The following MTAP variants were observed in gnomAD, a reference collection of about 807,000 sequenced individuals.
MTAP encodes the protein methylthioadenosine phosphorylase, also known as S-methyl-5'-thioadenosine phosphorylase.
In MTAP, 33 loss-of-function variants were observed where a neutral mutation model predicts 33.6. The observed-to-expected ratio is 0.98, with a 90% CI of 0.74 to 1.31. The LOEUF is 1.31. Ranked by LOEUF, MTAP falls within the 40% of genes most tolerant of loss-of-function variation. The pLI is 0.00. For synonymous variants in MTAP, 148 were observed against 125.7 expected (o/e 1.18, Z -1.19); for missense variants, 367 against 360.0 (o/e 1.02, Z -0.16).
chr9:21,859,097 T>C (rs939124608), intron 6 of MTAP: 6 of 519,812 alleles, frequency 1.2e-5, no homozygotes, highest in East Asian at 3.7e-5. Flanking sequence ...TCACTAATCC[T>C]ATCCACGAGG....
chr9:21,932,111 G>A (rs1307569234), downstream of MTAP: 4 of 152,082 alleles, frequency 2.6e-5, no homozygotes, highest in African/African-American at 4.8e-5. Context: ...AACTCCAACT[G>A]CTTCTTCCCT....
intron 1 of MTAP, among the ~76,000 whole-genome samples, chr9:21,920,597 G>C (rs1227931502): frequency 6.6e-6 from 1 of 152,074 alleles, no homozygotes; most frequent in African/African-American, 2.4e-5. Flanking sequence ...CACTCGAAAG[G>C]GGCTATTGGG....
chr9:21,847,145 C>G (rs1480128931), intron 5 of MTAP, among the ~76,000 whole-genome samples: 1 of 152,212 alleles, frequency 6.6e-6, no homozygotes, highest in Admixed American at 6.5e-5. Context: ...TGGATACTTC[C>G]TGCCCTCAAA....
At chr9:21,876,388 C>T (rs1012874890) in intron 1 of MTAP, among the ~76,000 whole-genome samples, 3 of 152,072 alleles carry the variant, frequency 2.0e-5, no homozygotes, top group African/African-American at 7.2e-5. Flanking sequence ...TCACCCTTGT[C>T]AATTTTTGCT....
At chr9:21,858,315 T>C (rs551598376) in intron 6 of MTAP, among the ~76,000 whole-genome samples, 1 of 152,186 alleles carries the variant, frequency 6.6e-6, no homozygotes, top group Non-Finnish European at 1.5e-5. Context: ...CATATTGAAA[T>C]CTGTATTAGT....
intron 1 of MTAP, chr9:21,930,736 G>A: frequency 1.5e-6 from 1 of 678,846 alleles, no homozygotes; most frequent in Non-Finnish European, 2.6e-6. Context: ...GCAGCACAGG[G>A]AGGAATTTGT....
In MTAP at chr9:21,930,607, C is replaced by G. The variant is rs535337406; in HGVS notation, c.148-401C>G. The stretch of plus-strand genomic sequence containing the variant: ...AAGCCTCCTTGACCTATAGCCAACT[C>G]TGAAAGGAAATAGCCAGCAAGTTTA... On this transcript the variant is annotated intron_variant, in intron 1 of 1. Transcript: ENST00000577563. 12 of 374,856 alleles carry G rather than the reference C, an allele frequency of 3.2e-5. No homozygotes were observed. In the South Asian group the frequency reaches 5.5e-4, roughly 17 times the overall value. 23.2% of individuals were successfully genotyped at this position (374,856 alleles called of 1,614,324 possible). A position where few individuals can be genotyped will look rare whatever the true frequency, so the allele number is the denominator to read the frequency against.
At chr9:21,932,493 G>C (rs1327810845), downstream of MTAP, 1 of 152,166 alleles carries the variant, frequency 6.6e-6, no homozygotes, top group Non-Finnish European at 1.5e-5. Flanking sequence ...GGCCTTTTGA[G>C]ATGTCTTTTC....
intron 1 of MTAP, among the ~76,000 whole-genome samples, chr9:21,814,234 A>G (rs1463316120): frequency 6.6e-6 from 1 of 152,024 alleles, no homozygotes; most frequent in Non-Finnish European, 1.5e-5. Flanking sequence ...TTTTTTCAGG[A>G]AACTGAGCCA....
downstream of MTAP, among the ~76,000 whole-genome samples, chr9:21,939,793 G>T (rs911004051): frequency 6.6e-6 from 1 of 152,128 alleles, no homozygotes; most frequent in African/African-American, 2.4e-5. Flanking sequence ...TGAGGCACAA[G>T]AATTGCTTGA....
intron 1 of MTAP, among the ~76,000 whole-genome samples, chr9:21,885,709 TC>T (rs988005530): frequency 4.2e-4 from 64 of 151,936 alleles, no homozygotes; most frequent in African/African-American, 1.5e-3. Context: ...ATAATAATGG[TC>T]CCCAAATCCA....
At chr9:21,869,524 G>A (rs374074579), downstream of MTAP, among the ~76,000 whole-genome samples, 23 of 152,162 alleles carry the variant, frequency 1.5e-4, 1 homozygote, top group South Asian at 4.8e-3. Context: ...CTGCCCTAGA[G>A]CTCAATCCTT....
intron 1 of MTAP, 144 bp downstream of exon 1, chr9:21,802,925 G>C (rs375027155): frequency 7.0e-7 from 1 of 1,433,140 alleles, no homozygotes; most frequent in Non-Finnish European, 9.0e-7. Flanking sequence ...GCGGCACTCG[G>C]GACTCACTTG....
In MTAP at chr9:21,864,514, TG is replaced by T. The variant is rs1400368977; in HGVS notation, c.*2502del. 1 of 985,338 alleles carries T rather than the reference TG, an allele frequency of 1.0e-6. No homozygotes were observed. 61.0% of individuals were successfully genotyped at this position (985,338 alleles called of 1,614,324 possible). A position where few individuals can be genotyped will look rare whatever the true frequency, so the allele number is the denominator to read the frequency against. On this transcript the variant is annotated 3_prime_UTR_variant, in exon 8 of 8. Coordinates refer to ENST00000644715, the MANE Select transcript of MTAP (RefSeq NM_002451.4). Reference sequence around the variant, plus strand: ...TTTGCATGTACATAGAAGTCTTTGTTGGCCTTATAATCTGCTGTTATATTTG... The same window carrying T: ...TTTGCATGTACATAGAAGTCTTTGTTGCCTTATAATCTGCTGTTATATTTG...
At chr9:21,910,427 T>A (rs145313758) in intron 1 of MTAP, among the ~76,000 whole-genome samples, 94 of 152,148 alleles carry the variant, frequency 6.2e-4, no homozygotes, top group African/African-American at 2.0e-3. Context: ...TTAAATGGGG[T>A]GGTCACTATT....
downstream of MTAP, among the ~76,000 whole-genome samples, chr9:21,869,001 T>C (rs905934258): frequency 2.6e-5 from 4 of 152,216 alleles, no homozygotes; most frequent in African/African-American, 4.8e-5. Context: ...CATTGTCTTA[T>C]GCACCAGACC....
chr9:21,865,785 T>C lies in MTAP; in HGVS notation c.*3771T>C. The stretch of plus-strand genomic sequence containing the variant: ...TTTCTTCAGAAAGACAATCTCGGCA[T>C]GCATTATTTCTTTGTTTTGAAGATT... On this transcript the variant is annotated 3_prime_UTR_variant, in exon 8 of 8. Transcript: ENST00000644715. 1.9e-6 allele frequency: 2 copies of C among 1,030,010 alleles called. No homozygotes were observed. The highest frequency in any genetic ancestry group is 2.3e-6 in the Non-Finnish European group (2 of 852,772). 63.8% of individuals were successfully genotyped at this position (1,030,010 alleles called of 1,614,324 possible).
intron 1 of MTAP, among the ~76,000 whole-genome samples, chr9:21,907,153 A>G (rs1424789291): frequency 6.6e-6 from 1 of 152,198 alleles, no homozygotes; most frequent in Non-Finnish European, 1.5e-5. Context: ...GGATATTTAG[A>G]CTATGTGAAC....
chr9:21,852,594 T>C (rs1188595845), intron 5 of MTAP, among the ~76,000 whole-genome samples: 2 of 151,348 alleles, frequency 1.3e-5, no homozygotes, highest in Admixed American at 6.6e-5. Context: ...AGACTACACA[T>C]TGGGTATAGT....
Sources: gnomAD v4.1 joint callset for allele counts (sites outside exome capture counted in the v4.1 genomes callset) on GRCh38, gnomAD v4.1.1 for gene constraint, MANE v1.5 for transcripts, NCBI Gene and HGNC (gene_info 2026-07-23, HGNC 2026-07-21) for gene names.